The following WWOX variants were observed in gnomAD, a reference collection of about 807,000 sequenced individuals.
WWOX encodes the protein WW domain containing oxidoreductase, also known as WW domain-containing oxidoreductase.
Under a neutral mutation model 46.2 loss-of-function variants are expected in WWOX, and 69 were observed. That is an observed-to-expected ratio of 1.49 (90% CI 1.23 to 1.82). The LOEUF (loss-of-function observed/expected upper bound fraction) is 1.82. Ranked by LOEUF, WWOX falls within the 40% of genes most tolerant of loss-of-function variation. The pLI, the probability that WWOX is intolerant of heterozygous loss-of-function variation, is 0.00. For synonymous variants in WWOX, 359 were observed against 202.6 expected, an observed-to-expected ratio of 1.77 and a Z score of -6.56; for missense variants, 919 against 542.6, an observed-to-expected ratio of 1.69 and a Z score of -6.89.
At chr16:78,296,009 C>T (rs1422866996) in intron 5 of WWOX, among the ~76,000 whole-genome samples, 2 of 152,324 alleles carry the variant, frequency 1.3e-5, no homozygotes, top group Admixed American at 6.5e-5. Flanking sequence ...TTTGGGTCAT[C>T]ACTAGGGTAG....
At chr16:78,670,432 A>G (rs2047432640) in intron 8 of WWOX, among the ~76,000 whole-genome samples, 1 of 152,168 alleles carries the variant, frequency 6.6e-6, no homozygotes, top group Admixed American at 6.5e-5. Flanking sequence ...GTGTTACGTT[A>G]TGAGAACTAT....
chr16:78,638,502 T>C (rs1356534327), intron 8 of WWOX, among the ~76,000 whole-genome samples: 1 of 152,114 alleles, frequency 6.6e-6, no homozygotes. Flanking sequence ...TCTGATAAGA[T>C]CTGTCTGCAC....
chr16:78,830,977 T>C (rs918941934), intron 8 of WWOX, among the ~76,000 whole-genome samples: 2 of 152,190 alleles, frequency 1.3e-5, no homozygotes, highest in African/African-American at 4.8e-5. Context: ...GGAAACCATG[T>C]TCTTTTAAAG....
chr16:78,623,898 T>A (rs556355598), intron 8 of WWOX, among the ~76,000 whole-genome samples: 1 of 152,166 alleles, frequency 6.6e-6, no homozygotes, highest in African/African-American at 2.4e-5. Context: ...GAATAAAATA[T>A]CATCAGGAGC....
At chr16:79,152,929 A>G (rs973093321) in intron 8 of WWOX, among the ~76,000 whole-genome samples, 3 of 152,066 alleles carry the variant, frequency 2.0e-5, no homozygotes, top group Non-Finnish European at 4.4e-5. Context: ...GGTCTAGGAG[A>G]CGGTGGAAAG....
intron 8 of WWOX, among the ~76,000 whole-genome samples, chr16:79,067,694 CT>C (rs1192727744): frequency 1.3e-5 from 2 of 152,028 alleles, no homozygotes; most frequent in Non-Finnish European, 2.9e-5. Context: ...TCAGGTTGGT[CT>C]TTCCCGCAAG....
intron 5 of WWOX, among the ~76,000 whole-genome samples, chr16:78,201,674 A>ATTATTTAT (rs149809338): frequency 2.8e-3 from 416 of 146,476 alleles, no homozygotes; most frequent in African/African-American, 7.8e-3. Context: ...CATTCCTTGG[A>ATTATTTAT]TTATTTATTT....
At chr16:78,864,724 CAG>C (rs58632059) in intron 8 of WWOX, among the ~76,000 whole-genome samples, 19,258 of 143,576 alleles carry the variant, frequency 0.13, 1,599 homozygotes, top group Middle Eastern at 0.21. Flanking sequence ...TAATTAAAAA[CAG>C]AGCTGTGTGG....
chr16:78,422,047 C>G (rs7193987), intron 6 of WWOX, among the ~76,000 whole-genome samples: 1,826 of 152,158 alleles, frequency 0.012, 34 homozygotes, highest in African/African-American at 0.04. Flanking sequence ...ATATTTACTA[C>G]TAGTGTAGTT....
intron 6 of WWOX, among the ~76,000 whole-genome samples, chr16:78,394,045 A>G (rs1057344401): frequency 6.6e-6 from 1 of 152,162 alleles, no homozygotes; most frequent in Admixed American, 6.5e-5. Context: ...CATCTAGGGA[A>G]GTGGGTGGGC....
Position 79,159,200 on chromosome 16 carries a change from G to A in WWOX, c.1057-52408G>A, listed in dbSNP as rs907510831. Reference sequence around the variant, plus strand: ...TATAAAAGTTAAAAAGGTCACTGTAGTAATAGACTAATCTCAATTACCAGG... The same window carrying A: ...TATAAAAGTTAAAAAGGTCACTGTAATAATAGACTAATCTCAATTACCAGG... On this transcript the variant is annotated intron_variant, in intron 8 of 8. Transcript: ENST00000566780. 2.0e-5 allele frequency among the ~76,000 whole-genome samples: 3 copies of A among 152,192 alleles called. No individual in the cohort carries two copies. In the East Asian group the frequency reaches 5.8e-4, roughly 29 times the overall value.
chr16:79,145,201 T>C (rs571356273), intron 8 of WWOX, among the ~76,000 whole-genome samples: 1 of 152,320 alleles, frequency 6.6e-6, no homozygotes, highest in Admixed American at 6.5e-5. Context: ...TGTAATTTAT[T>C]ACAGCAACCA....
intron 5 of WWOX, among the ~76,000 whole-genome samples, chr16:78,211,741 A>C (rs1038733412): frequency 6.6e-6 from 1 of 152,186 alleles, no homozygotes; most frequent in Non-Finnish European, 1.5e-5. Flanking sequence ...TGCAGTGGGA[A>C]CCTGGCTTTG....
chr16:78,377,995 G>T (rs1429439360), intron 5 of WWOX, among the ~76,000 whole-genome samples: 1 of 151,644 alleles, frequency 6.6e-6, no homozygotes, highest in African/African-American at 2.4e-5. Flanking sequence ...TTTGGCAGGG[G>T]GAGGTAGGAA....
chr16:78,773,927 C>G (rs1024873593), intron 8 of WWOX, among the ~76,000 whole-genome samples: 7 of 152,168 alleles, frequency 4.6e-5, no homozygotes, highest in African/African-American at 1.4e-4. Context: ...ACAGTTTTCC[C>G]AGGCCCTTCA....
chr16:79,086,363 A>G (rs1406128935), intron 8 of WWOX, among the ~76,000 whole-genome samples: 1 of 152,206 alleles, frequency 6.6e-6, no homozygotes, highest in Non-Finnish European at 1.5e-5. Flanking sequence ...TGCAAAGAAA[A>G]TGCAAGCTTT....
At chr16:79,082,584 G>T (rs2048780752) in intron 8 of WWOX, among the ~76,000 whole-genome samples, 2 of 152,148 alleles carry the variant, frequency 1.3e-5, no homozygotes, top group Admixed American at 1.3e-4. Context: ...ACTGTTTCAT[G>T]AAACACAGCC....
At chr16:78,842,704 A>C (rs2052190129) in intron 8 of WWOX, among the ~76,000 whole-genome samples, 1 of 152,020 alleles carries the variant, frequency 6.6e-6, no homozygotes. Context: ...TTTCTACAAG[A>C]AGTAAAAAAA....
At chr16:78,105,937 G>A (rs187082036) in intron 1 of WWOX, among the ~76,000 whole-genome samples, 17 of 152,302 alleles carry the variant, frequency 1.1e-4, no homozygotes, top group African/African-American at 3.9e-4. Context: ...AAGTAGCTGG[G>A]ATTACAGGCA....
Sources: allele counts gnomAD v4.1 joint callset (sites outside exome capture counted in the v4.1 genomes callset), GRCh38; gene constraint gnomAD v4.1.1; transcripts MANE v1.5; gene names NCBI Gene and HGNC (gene_info 2026-07-23, HGNC 2026-07-21).